The following PDE4D variants were observed in gnomAD, a reference collection of about 807,000 sequenced individuals.
PDE4D encodes 3',5'-cyclic-AMP phosphodiesterase 4D.
A neutral mutation model predicts 87.4 loss-of-function variants in PDE4D; 24 were observed. That is an observed-to-expected ratio of 0.27 (90% CI 0.20 to 0.39). PDE4D has a LOEUF of 0.39. Among genes scored for constraint, PDE4D ranks in the 10% least tolerant of loss-of-function variants. The pLI, the probability that PDE4D is intolerant of heterozygous loss-of-function variation, is 1.00. For missense variants in PDE4D, 714 were observed against 1,041.0 expected (o/e 0.69, Z 4.32); for synonymous variants, 384 against 383.2 (o/e 1.00, Z -0.02).
chr5:59,445,796 C>A (rs1415932367), intron 1 of PDE4D, among the ~76,000 whole-genome samples: 6 of 152,100 alleles, frequency 3.9e-5, no homozygotes, highest in Admixed American at 3.9e-4. Context: ...ATATAATTCA[C>A]TTTTGAAAAA....
intron 2 of PDE4D, among the ~76,000 whole-genome samples, chr5:59,989,099 T>C (rs1762743785): frequency 1.1e-5 from 1 of 94,082 alleles, no homozygotes; most frequent in African/African-American, 3.2e-5. Flanking sequence ...TATATATATA[T>C]ATATATATAT....
chr5:59,276,211 T>TC (rs1764794227), intron 1 of PDE4D: 1 of 852,082 alleles, frequency 1.2e-6, no homozygotes, highest in Non-Finnish European at 1.4e-6. Context: ...GCGGATCAGC[T>TC]CCAGAGACCA....
At chr5:60,090,943 C>A (rs1301051191) in intron 2 of PDE4D, among the ~76,000 whole-genome samples, 1 of 152,026 alleles carries the variant, frequency 6.6e-6, no homozygotes, top group Admixed American at 6.6e-5. Context: ...CACACACACA[C>A]AAAAACACAT....
intron 6 of PDE4D, among the ~76,000 whole-genome samples, chr5:58,994,412 G>A (rs1350971957): frequency 1.3e-5 from 2 of 151,850 alleles, no homozygotes; most frequent in African/African-American, 4.8e-5. Context: ...AACCCGACGA[G>A]GCCTTTTAAT....
intron 1 of PDE4D, among the ~76,000 whole-genome samples, chr5:60,203,769 G>A (rs570718393): frequency 9.9e-4 from 151 of 152,262 alleles, no homozygotes; most frequent in Admixed American, 2.5e-3. Flanking sequence ...AGGTATCCAT[G>A]CCTTAACTGG....
intron 5 of PDE4D, among the ~76,000 whole-genome samples, chr5:59,069,124 C>T (rs1418597539): frequency 6.6e-6 from 1 of 152,150 alleles, no homozygotes; most frequent in Non-Finnish European, 1.5e-5. Flanking sequence ...TCTAAATAAT[C>T]CGTTAGACCT....
intron 1 of PDE4D, among the ~76,000 whole-genome samples, chr5:59,501,161 AGTCT>A (rs1808228446): frequency 6.6e-6 from 1 of 152,192 alleles, no homozygotes; most frequent in South Asian, 2.1e-4. Flanking sequence ...TTCCTCAGTC[AGTCT>A]GCCTTCCGAT....
intron 2 of PDE4D, among the ~76,000 whole-genome samples, chr5:60,110,173 G>T (rs115547029): frequency 0.012 from 1,821 of 152,040 alleles, 36 homozygotes; most frequent in African/African-American, 0.042. Context: ...AGTCAAATGG[G>T]ACTATATTAA....
rs573201264 is a variant in PDE4D at position 59,240,117 on chromosome 5, A to G, written c.456-24149T>C. Among the ~76,000 whole-genome samples, 11 of 152,278 alleles carry G rather than the reference A, an allele frequency of 7.2e-5. No homozygotes were observed. The South Asian group carries it at 2.3e-3, about 32-fold the overall frequency. ...CTTCCAGTTATTAAAACTAACAGCC[A>G]TGACACAACCTTCTCAGTTCAGGCA... On this transcript the variant is annotated intron_variant, in intron 1 of 14. Transcript: ENST00000340635.
chr5:59,179,817 T>G, intron 5 of PDE4D: 1 of 300,130 alleles, frequency 3.3e-6, no homozygotes, highest in Non-Finnish European at 6.4e-6. Context: ...AGGTTTTCTT[T>G]TCCAGGCAAT....
intron 3 of PDE4D, among the ~76,000 whole-genome samples, chr5:59,911,965 A>T (rs1753490666): frequency 6.6e-6 from 1 of 152,260 alleles, no homozygotes; most frequent in Non-Finnish European, 1.5e-5. Context: ...GCCCTATAAG[A>T]CTCACAGTTT....
chr5:58,987,235 G>A (rs1315600061), intron 11 of PDE4D, among the ~76,000 whole-genome samples: 2 of 152,162 alleles, frequency 1.3e-5, no homozygotes, highest in African/African-American at 4.8e-5. Context: ...TTGTATGTAT[G>A]CTTTGATGAG....
intron 1 of PDE4D, among the ~76,000 whole-genome samples, chr5:59,594,561 T>C (rs1227242571): frequency 6.6e-6 from 1 of 152,038 alleles, no homozygotes; most frequent in Non-Finnish European, 1.5e-5. Context: ...CCTCAGGTGA[T>C]CCACCTGCTT....
chr5:60,359,671 T>C (rs1173354198), intron 1 of PDE4D, among the ~76,000 whole-genome samples: 2 of 152,204 alleles, frequency 1.3e-5, no homozygotes, highest in Non-Finnish European at 2.9e-5. Context: ...GACAACACTT[T>C]CAGTAAAACA....
chr5:59,285,212 TAAA>T (rs35238877), intron 1 of PDE4D, among the ~76,000 whole-genome samples: 1 of 134,624 alleles, frequency 7.4e-6, no homozygotes. Context: ...TAAAGTATAA[TAAA>T]AAAAAAAAAA....
intron 1 of PDE4D, among the ~76,000 whole-genome samples, chr5:60,409,911 G>T (rs1425956487): frequency 6.6e-6 from 1 of 152,088 alleles, no homozygotes; most frequent in African/African-American, 2.4e-5. Flanking sequence ...AAAGCAGTCA[G>T]ATGTGTGTGC....
At chr5:60,488,534 A>G (rs151146036), upstream of PDE4D, 4 of 151,866 alleles carry the variant, frequency 2.6e-5, no homozygotes, top group East Asian at 7.7e-4. Flanking sequence ...ACATTTTCCT[A>G]TTCTAATCGT....
chr5:59,163,025 C>G (rs893216618), intron 5 of PDE4D, among the ~76,000 whole-genome samples: 2 of 151,154 alleles, frequency 1.3e-5, no homozygotes, highest in East Asian at 3.9e-4. Context: ...CTCTGCCTCC[C>G]GGGTTCAAGC....
chr5:59,530,907 T>C (rs1455676748), intron 1 of PDE4D, among the ~76,000 whole-genome samples: 1 of 152,234 alleles, frequency 6.6e-6, no homozygotes, highest in Non-Finnish European at 1.5e-5. Context: ...GTTGAGTAGA[T>C]GGTCCAAAAA....
Sources: gnomAD v4.1 joint callset for allele counts (sites outside exome capture counted in the v4.1 genomes callset) on GRCh38, gnomAD v4.1.1 for gene constraint, MANE v1.5 for transcripts, NCBI Gene and HGNC (gene_info 2026-07-23, HGNC 2026-07-21) for gene names.